The following MEF2D variants were observed in gnomAD, a reference collection of about 807,000 sequenced individuals.
MEF2D encodes the protein myocyte-specific enhancer factor 2D.
MEF2D carries 10 observed loss-of-function variants against 59.3 expected under a neutral mutation model. That is an observed-to-expected ratio of 0.17 (90% CI 0.10 to 0.29). The LOEUF (loss-of-function observed/expected upper bound fraction) is 0.29. MEF2D is among the 10% of genes least tolerant of loss of function. The pLI is 1.00. For missense variants in MEF2D, 508 were observed against 699.4 expected (o/e 0.73, Z 3.09); for synonymous variants, 305 against 295.0 (o/e 1.03, Z -0.35).
At chr1:156,485,600 A>G (rs573583745) in intron 1 of MEF2D, among the ~76,000 whole-genome samples, 356 of 150,210 alleles carry the variant, frequency 2.4e-3, no homozygotes, top group African/African-American at 8.3e-3. Flanking sequence ...TGGAGTGTAC[A>G]AATCACAGCT....
chr1:156,479,554 C>T lies in MEF2D; in HGVS notation c.607+32G>A, dbSNP rs1471693725. The T allele has an allele frequency of 4.5e-6, 7 of 1,548,448 alleles. No individual in the cohort carries two copies. The Admixed American group carries it at 1.2e-4, about 26-fold the overall frequency. On this transcript the variant is annotated intron_variant, in intron 5 of 11. Coordinates refer to ENST00000348159, the MANE Select transcript of MEF2D (RefSeq NM_005920.4). Reference sequence around the variant, plus strand: ...CAAAGTCCCCATCACATCTCATTTCCACCTCACCTACCCACCTGCCAGCCC... The same window carrying T: ...CAAAGTCCCCATCACATCTCATTTCTACCTCACCTACCCACCTGCCAGCCC...
At position 156,466,223 on chromosome 1, in the gene MEF2D, A is replaced by C. The variant is rs1211958207; in HGVS notation, c.*1422T>G. 3.3e-5 allele frequency: 5 copies of C among 152,604 alleles called. No individual in the cohort carries two copies. Among genetic ancestry groups the C allele is most frequent in the African/African-American group, 1.2e-4 (5 of 41,434 alleles). 9.5% of individuals were successfully genotyped at this position (152,604 alleles called of 1,614,324 possible). On this transcript the variant is annotated 3_prime_UTR_variant, in exon 12 of 12. Coordinates refer to ENST00000348159, the MANE Select transcript of MEF2D (RefSeq NM_005920.4). ...AGCAGAAGAATCTCGTCTGTACAGTACGGGCCGTTTGAGTCATTATTATTA... is the reference window on the plus strand; with the variant it reads ...AGCAGAAGAATCTCGTCTGTACAGTCCGGGCCGTTTGAGTCATTATTATTA...
rs772696244 is a variant in MEF2D, at chr1:156,468,313, A to G, written c.1248-14T>C. 1 of 1,533,620 alleles carries G rather than the reference A, an allele frequency of 6.5e-7. No individual in the cohort carries two copies. Among genetic ancestry groups the G allele is most frequent in the Admixed American group, 2.0e-5 (1 of 49,038 alleles). Reference sequence around the variant, plus strand: ...GGGCTGCCCGGGCTGGAGGCAGGCAATGGAAATGGGGTACAAGGGATAAAA... The same window carrying G: ...GGGCTGCCCGGGCTGGAGGCAGGCAGTGGAAATGGGGTACAAGGGATAAAA... On this transcript the variant is annotated splice_polypyrimidine_tract_variant and intron_variant, in intron 10 of 11. Transcript: ENST00000348159. The surrounding 1 kb of genome is among the most constrained non-coding windows in gnomAD (Gnocchi z 4.3).
intron 2 of MEF2D, 85 bp downstream of exon 2, chr1:156,483,153 AG>A: frequency 7.2e-7 from 1 of 1,382,198 alleles, no homozygotes; most frequent in Non-Finnish European, 1.0e-6. Flanking sequence ...TCTTCCACAA[AG>A]CCCTCTTGGA....
At chr1:156,488,100 T>G (rs1672489369) in intron 1 of MEF2D, among the ~76,000 whole-genome samples, 1 of 152,224 alleles carries the variant, frequency 6.6e-6, no homozygotes, top group Non-Finnish European at 1.5e-5. Flanking sequence ...CTCTCAAGGC[T>G]CTGGCTGATT....
chr1:156,489,285 C>G (rs1356092306), intron 1 of MEF2D, among the ~76,000 whole-genome samples: 1 of 152,144 alleles, frequency 6.6e-6, no homozygotes, highest in African/African-American at 2.4e-5. Flanking sequence ...AAATAAGCAG[C>G]AGGCGCTGGG....
Position 156,480,651 on chromosome 1 carries a change from T to C in MEF2D, c.396+183A>G, listed in dbSNP as rs761997015. 16 of 1,552,340 alleles carry C rather than the reference T, an allele frequency of 1.0e-5. No individual in the cohort carries two copies. The Admixed American group carries it at 1.6e-4, about 15-fold the overall frequency. On this transcript the variant is annotated intron_variant, in intron 4 of 11. Transcript: ENST00000348159. ...TCCATGCGACTACTCACGGCCAGTC[T>C]ATAACTCTGCATCATTTTATCAAAC...
Position 156,483,413 on chromosome 1 carries a change from T to C in MEF2D, c.-121A>G. 1.1e-6 allele frequency: 1 copy of C among 949,002 alleles called. No homozygotes were observed. The highest frequency in any genetic ancestry group is 1.4e-5 in the South Asian group (1 of 72,280). The allele number at this position is 949,002 out of a possible 1,614,324, so 58.8% of individuals were successfully genotyped here. A position where few individuals can be genotyped will look rare whatever the true frequency, so the allele number is the denominator to read the frequency against. On this transcript the variant is annotated 5_prime_UTR_variant, in exon 2 of 12. Transcript: ENST00000348159. ...AGTGCTCAGTTCATGGTCTGCAGGA[T>C]ACCTTCTGCACAGCCTCCTGGAAAG...
intron 1 of MEF2D, among the ~76,000 whole-genome samples, chr1:156,495,682 G>T (rs1176130759): frequency 5.8e-5 from 8 of 137,602 alleles, no homozygotes; most frequent in African/African-American, 2.2e-4. Flanking sequence ...TTAAAAAGTT[G>T]TGGTTTTTGG....
chr1:156,467,868 G>A (rs1054067091), intron 11 of MEF2D, 125 bp downstream of exon 11: 268 of 1,290,992 alleles, frequency 2.1e-4, no homozygotes, highest in Non-Finnish European at 2.8e-4. Flanking sequence ...GCCCTAGAAG[G>A]GCTGGCGGAA....
Position 156,468,784 on chromosome 1 carries a change from G to C in MEF2D, c.1243C>G (p.Leu415Val). ...TGCAGTCTCCCCAGGACTCACATGA[G>C]GTTGCTGAGAGATACAGGGACCAGG... ...SHLVPVSLSNLIPGSPLPHVG... is the reference protein window; with the variant it reads ...SHLVPVSLSNVIPGSPLPHVG... The change falls in exon 10 of 12, where the codon CTC becomes GTC. Residue 415 changes from leucine (L) to valine (V), a missense_variant. Physicochemically the swap from Leu to Val is conservative, Grantham distance 32. Transcript: ENST00000348159. This position sits in a 1 kb window ranked among gnomAD's most constrained non-coding sequence, Gnocchi z 4.3. 1 of 1,610,980 alleles carries C rather than the reference G, an allele frequency of 6.2e-7. No individual in the cohort carries two copies. Among genetic ancestry groups the C allele is most frequent in the Non-Finnish European group, 8.5e-7 (1 of 1,177,416 alleles).
intron 1 of MEF2D, among the ~76,000 whole-genome samples, chr1:156,496,069 T>A (rs964111975): frequency 6.6e-6 from 1 of 152,128 alleles, no homozygotes; most frequent in Non-Finnish European, 1.5e-5. Context: ...ATGAATGCAT[T>A]CCCCTGTCTC....
Position 156,466,992 on chromosome 1 carries a change from AC to A in MEF2D, c.*652del, listed in dbSNP as rs1670887596. The A allele has an allele frequency of 6.6e-6, 1 of 152,298 alleles. No individual in the cohort carries two copies. Among genetic ancestry groups the A allele is most frequent in the Admixed American group, 6.6e-5 (1 of 15,240 alleles). 9.4% of individuals were successfully genotyped at this position (152,298 alleles called of 1,614,324 possible). On this transcript the variant is annotated 3_prime_UTR_variant, in exon 12 of 12. Transcript: ENST00000348159. ...CCCAAAGCTCAGCCAGCACCCACACACCTTGGGGGTGCAGCACACACAAGAA... is the reference window on the plus strand; with the variant it reads ...CCCAAAGCTCAGCCAGCACCCACACACTTGGGGGTGCAGCACACACAAGAA...
In MEF2D at chr1:156,468,987, AAGG is replaced by A. The variant is rs750912394; in HGVS notation, c.1037_1039del (p.Ser346del). 2.5e-6 allele frequency: 4 copies of A among 1,612,484 alleles called. No individual in the cohort carries two copies. The highest frequency in any genetic ancestry group is 2.7e-5 in the African/African-American group (2 of 74,888). ...CCCCCCAGGTGAACTAAAGGCTGGTAAGGAGGAGAGCTCTGCACTGGTCAACTG... is the reference window on the plus strand; with the variant it reads ...CCCCCCAGGTGAACTAAAGGCTGGTAAGGAGAGCTCTGCACTGGTCAACTG... On this transcript the variant is annotated inframe_deletion, in exon 10 of 12. Transcript: ENST00000348159. This position sits in a 1 kb window ranked among gnomAD's most constrained non-coding sequence, Gnocchi z 4.3.
intron 1 of MEF2D, among the ~76,000 whole-genome samples, chr1:156,497,987 C>T (rs767941526): frequency 1.1e-4 from 16 of 150,882 alleles, no homozygotes; most frequent in Non-Finnish European, 2.1e-4. Flanking sequence ...AAGGCCTCCT[C>T]GGGGGCCAAG....
At position 156,464,732 on chromosome 1, in the gene MEF2D, C is replaced by G. The variant is rs1670738232; in HGVS notation, c.*2913G>C. On this transcript the variant is annotated 3_prime_UTR_variant, in exon 12 of 12. Coordinates refer to ENST00000348159, the MANE Select transcript of MEF2D (RefSeq NM_005920.4). ...CACATATTCACAGACCACCCCATCC[C>G]CAGGGACAGAGAAGAAAGGACACTG... 1 of 152,182 alleles carries G rather than the reference C, an allele frequency of 6.6e-6. No homozygotes were observed. The highest frequency in any genetic ancestry group is 2.4e-5 in the African/African-American group (1 of 41,420). The allele number at this position is 152,182 out of a possible 1,614,324, so 9.4% of individuals were successfully genotyped here. A position where few individuals can be genotyped will look rare whatever the true frequency, so the allele number is the denominator to read the frequency against.
At chr1:156,488,481 AG>A (rs1672521632) in intron 1 of MEF2D, among the ~76,000 whole-genome samples, 1 of 152,088 alleles carries the variant, frequency 6.6e-6, no homozygotes, top group African/African-American at 2.4e-5. Flanking sequence ...CCCTTGACAA[AG>A]AGAGCTGAGG....
chr1:156,483,766 C>T (rs1452286915), intron 1 of MEF2D, among the ~76,000 whole-genome samples: 1 of 152,198 alleles, frequency 6.6e-6, no homozygotes, highest in Non-Finnish European at 1.5e-5. Flanking sequence ...CTATAGACAC[C>T]TGGGTGCTCC....
At position 156,466,852 on chromosome 1, in the gene MEF2D, C is replaced by T; in HGVS notation, c.*793G>A. 6.5e-6 allele frequency: 1 copy of T among 152,930 alleles called. No individual in the cohort carries two copies. 9.5% of individuals were successfully genotyped at this position (152,930 alleles called of 1,614,324 possible). A position where few individuals can be genotyped will look rare whatever the true frequency, so the allele number is the denominator to read the frequency against. On this transcript the variant is annotated 3_prime_UTR_variant, in exon 12 of 12. Coordinates refer to ENST00000348159, the MANE Select transcript of MEF2D (RefSeq NM_005920.4). ...ATTTGCCCCCTGCCTAGCCCTTCTGCCCTCCTCAGCCCTCTCCTCATGGCT... is the reference window on the plus strand; with the variant it reads ...ATTTGCCCCCTGCCTAGCCCTTCTGTCCTCCTCAGCCCTCTCCTCATGGCT...
Sources: gnomAD v4.1 joint callset for allele counts (sites outside exome capture counted in the v4.1 genomes callset) on GRCh38, gnomAD v4.1.1 for gene constraint, Gnocchi (gnomAD v3.1) non-coding constraint, MANE v1.5 for transcripts, NCBI Gene and HGNC (gene_info 2026-07-23, HGNC 2026-07-21) for gene names.